Variants in RABGEF1 observed in about 807,000 individuals in gnomAD.
RABGEF1 encodes the protein rab5 GDP/GTP exchange factor.
RABGEF1 carries 26 observed loss-of-function variants against 57.3 expected under a neutral mutation model. The observed-to-expected ratio is 0.45, with a 90% CI of 0.33 to 0.63. RABGEF1 has a LOEUF of 0.63. Among genes scored for constraint, RABGEF1 ranks in the 20% least tolerant of loss-of-function variants. The pLI, the probability that RABGEF1 is intolerant of heterozygous loss-of-function variation, is 0.02. For synonymous variants in RABGEF1, 185 were observed against 210.7 expected (o/e 0.88, Z 1.06); for missense variants, 464 against 607.6 (o/e 0.76, Z 2.48).
At chr7:66,789,500 G>T (rs1812055228) in intron 4 of RABGEF1, among the ~76,000 whole-genome samples, 1 of 151,958 alleles carries the variant, frequency 6.6e-6, no homozygotes, top group South Asian at 2.1e-4. Context: ...GGCTAACACG[G>T]TGAAACCCCG....
At chr7:66,695,438 AGGGGCTT>A (rs1562704229) in intron 1 of RABGEF1, among the ~76,000 whole-genome samples, 27 of 152,224 alleles carry the variant, frequency 1.8e-4, no homozygotes, top group Non-Finnish European at 3.5e-4. Context: ...CGTCATGGGC[AGGGGCTT>A]TGACGCAAGA....
At chr7:66,668,290 T>G in the RABGEF1 span, among the ~76,000 whole-genome samples, 1 of 152,118 alleles carries the variant, frequency 6.6e-6, no homozygotes, top group Non-Finnish European at 1.5e-5. Context: ...AGAAATGGGG[T>G]CTGGCTATGT....
chr7:66,796,047 G>A (rs1813960070), intron 5 of RABGEF1, among the ~76,000 whole-genome samples: 1 of 152,238 alleles, frequency 6.6e-6, no homozygotes, highest in Admixed American at 6.5e-5. Context: ...CGAGGCACAA[G>A]AATTGCTTGA....
At chr7:66,706,414 G>C (rs1020455380) in intron 1 of RABGEF1, among the ~76,000 whole-genome samples, 3 of 151,944 alleles carry the variant, frequency 2.0e-5, no homozygotes, top group African/African-American at 7.2e-5. Flanking sequence ...CAAAGTGGCT[G>C]TACTATTTTG....
Position 66,795,507 on chromosome 7 carries a change from T to C in RABGEF1, c.514-4T>C. 6.2e-7 allele frequency: 1 copy of C among 1,604,090 alleles called. No individual in the cohort carries two copies. The highest frequency in any genetic ancestry group is 8.5e-7 in the Non-Finnish European group (1 of 1,170,922). The stretch of plus-strand genomic sequence containing the variant: ...CAAGCAGCCTCTTTGTCTCTCTGTT[T>C]CAGGATCTAAGCATTGAAGAACAGT... On this transcript the variant is annotated splice_polypyrimidine_tract_variant and splice_region_variant and intron_variant, in intron 4 of 8. Transcript: ENST00000284957.
chr7:66,742,015 G>C (rs1799095329), intron 1 of RABGEF1, among the ~76,000 whole-genome samples: 1 of 151,842 alleles, frequency 6.6e-6, no homozygotes, highest in African/African-American at 2.4e-5. Flanking sequence ...GCCGGGCATC[G>C]TGGCGGGCAC....
intron 7 of RABGEF1, among the ~76,000 whole-genome samples, chr7:66,799,819 A>G (rs1786860523): frequency 6.6e-6 from 1 of 152,162 alleles, no homozygotes; most frequent in Non-Finnish European, 1.5e-5. Flanking sequence ...AGGCAAGGTA[A>G]TCCCCACGCT....
intron 2 of RABGEF1, among the ~76,000 whole-genome samples, chr7:66,722,678 T>A (rs765887682): frequency 8.5e-5 from 13 of 152,210 alleles, no homozygotes; most frequent in Non-Finnish European, 1.3e-4. Context: ...AAAACATCAC[T>A]ACTATGATGT....
chr7:66,759,202 G>A (rs1466757656), intron 1 of RABGEF1, among the ~76,000 whole-genome samples: 1 of 152,210 alleles, frequency 6.6e-6, no homozygotes, highest in African/African-American at 2.4e-5. Context: ...CCCAGGTTTC[G>A]TAATTCGTTC....
intron 1 of RABGEF1, among the ~76,000 whole-genome samples, chr7:66,742,083 G>A (rs866517571): frequency 1.3e-5 from 2 of 151,956 alleles, no homozygotes; most frequent in African/African-American, 2.4e-5. Context: ...CCCGGGAGGC[G>A]GAGGTTGCAG....
At chr7:66,702,337 A>G (rs1001196211) in intron 1 of RABGEF1, among the ~76,000 whole-genome samples, 7 of 137,862 alleles carry the variant, frequency 5.1e-5, no homozygotes, top group African/African-American at 1.7e-4. Flanking sequence ...CCTTCTGGCT[A>G]TTGTTTTGTT....
At position 66,711,405 on chromosome 7, in the gene RABGEF1, ATT is replaced by A. The variant is rs202115107; in HGVS notation, c.-872-747_-872-746del. On this transcript the variant is annotated intron_variant and NMD_transcript_variant, in intron 1 of 9. Transcript: ENST00000607882. ...TTAGATCTGAGATCTTTTTGTGCTA[ATT>A]TTTTTTTTTTTTTTGCATAAGCTGT... Among the ~76,000 whole-genome samples the A allele has an allele frequency of 2.8e-3, 383 of 138,060 alleles. 10 individuals carry two copies. The highest frequency in any genetic ancestry group is 2.9e-3 in the East Asian group (14 of 4,834). The allele number at this position is 138,060 out of a possible 152,430, so 90.6% of individuals were successfully genotyped here.
At chr7:66,777,643 G>A (rs1262119285) in intron 3 of RABGEF1, among the ~76,000 whole-genome samples, 1 of 152,026 alleles carries the variant, frequency 6.6e-6, no homozygotes, top group Non-Finnish European at 1.5e-5. Context: ...CATTTCTGGA[G>A]CTGGGTGCAG....
chr7:66,792,068 C>T (rs1562863576), intron 4 of RABGEF1, among the ~76,000 whole-genome samples: 3 of 150,278 alleles, frequency 2.0e-5, no homozygotes, highest in Non-Finnish European at 2.9e-5. Context: ...ACTGAGATCA[C>T]GCCACTGCAC....
chr7:66,718,719 C>A (rs889418437), intron 2 of RABGEF1, among the ~76,000 whole-genome samples: 1 of 152,206 alleles, frequency 6.6e-6, no homozygotes, highest in Admixed American at 6.5e-5. Flanking sequence ...CAGCCTGGAA[C>A]CTGGGGAGTG....
At chr7:66,659,822 CA>C in the RABGEF1 span, among the ~76,000 whole-genome samples, 14 of 151,426 alleles carry the variant, frequency 9.2e-5, no homozygotes, top group African/African-American at 2.9e-4. Context: ...AGAAAGATCT[CA>C]AATCAGTCAC....
intron 5 of RABGEF1, 91 bp downstream of exon 5, chr7:66,795,683 G>A (rs1182371409): frequency 3.9e-6 from 5 of 1,269,654 alleles, no homozygotes; most frequent in African/African-American, 1.5e-5. Flanking sequence ...TGATGGTCTG[G>A]CTGGTTTGTA....
At chr7:66,789,535 T>C (rs938954877) in intron 4 of RABGEF1, among the ~76,000 whole-genome samples, 3 of 151,690 alleles carry the variant, frequency 2.0e-5, no homozygotes, top group African/African-American at 7.3e-5. Context: ...TACAAAAAAT[T>C]AGCCAGGTGT....
intron 7 of RABGEF1, among the ~76,000 whole-genome samples, chr7:66,801,613 C>T (rs1787310825): frequency 6.6e-6 from 1 of 152,204 alleles, no homozygotes; most frequent in Non-Finnish European, 1.5e-5. Context: ...TTAGCTCCCA[C>T]CAATGAGTGA....
Sources: gnomAD v4.1 joint callset for allele counts (sites outside exome capture counted in the v4.1 genomes callset) on GRCh38, gnomAD v4.1.1 for gene constraint, MANE v1.5 for transcripts, NCBI Gene and HGNC (gene_info 2026-07-23, HGNC 2026-07-21) for gene names.